Variants in PLCL1 observed in about 807,000 individuals in gnomAD.
The protein encoded by PLCL1 is phospholipase C like 1 (inactive), also known as inactive phospholipase C-like protein 1.
A neutral mutation model predicts 84.4 loss-of-function variants in PLCL1; 41 were observed. The ratio of observed to expected loss-of-function variants is 0.49; its 90% confidence interval spans 0.38 to 0.63. The LOEUF is 0.63. PLCL1 is among the 30% of genes least tolerant of loss of function. The probability of loss-of-function intolerance (pLI) is 0.00; values close to 1 mark genes in which losing one functional copy is unlikely to be tolerated. For synonymous variants in PLCL1, 490 were observed against 488.3 expected, an observed-to-expected ratio of 1.00 and a Z score of -0.05; for missense variants, 1,206 against 1,367.8, an observed-to-expected ratio of 0.88 and a Z score of 1.87.
At chr2:197,914,746 T>C (rs1433972604) in intron 1 of PLCL1, among the ~76,000 whole-genome samples, 2 of 152,306 alleles carry the variant, frequency 1.3e-5, no homozygotes, top group Non-Finnish European at 2.9e-5. Flanking sequence ...AAACAGTTAT[T>C]GAATACCTAC....
At chr2:197,966,669 G>A (rs1399501098) in intron 1 of PLCL1, among the ~76,000 whole-genome samples, 1 of 152,044 alleles carries the variant, frequency 6.6e-6, no homozygotes, top group Non-Finnish European at 1.5e-5. Context: ...TACTTCTTCA[G>A]TGCCTCTTTC....
At chr2:197,818,355 C>T (rs1690735012) in intron 1 of PLCL1, among the ~76,000 whole-genome samples, 1 of 152,040 alleles carries the variant, frequency 6.6e-6, no homozygotes, top group African/African-American at 2.4e-5. Context: ...TTTCTTTTGC[C>T]CAAACCCTTT....
At chr2:197,809,021 C>T (rs947151108) in intron 1 of PLCL1, among the ~76,000 whole-genome samples, 4 of 152,114 alleles carry the variant, frequency 2.6e-5, no homozygotes, top group African/African-American at 9.7e-5. Context: ...TATTTTATAT[C>T]ATGGCGAGTC....
At position 197,952,869 on chromosome 2, in the gene PLCL1, C is replaced by T. The variant is rs540755268; in HGVS notation, c.241-130889C>T. Among the ~76,000 whole-genome samples, 118 of 152,116 alleles carry T rather than the reference C, an allele frequency of 7.8e-4. No homozygotes were observed. The Middle Eastern group carries it at 0.027, about 35-fold the overall frequency. ...CATGTAAGGTATGCCTTTCACCTTC[C>T]GCCATGATTGTGAGGCCTCCCCAGC... On this transcript the variant is annotated intron_variant, in intron 1 of 5. Coordinates refer to ENST00000428675, the MANE Select transcript of PLCL1 (RefSeq NM_006226.4).
intron 1 of PLCL1, among the ~76,000 whole-genome samples, chr2:197,834,701 G>A (rs1490067525): frequency 6.6e-6 from 1 of 152,190 alleles, no homozygotes; most frequent in East Asian, 1.9e-4. Flanking sequence ...ACTGTTGGTG[G>A]GAGTGTAAAT....
intron 1 of PLCL1, among the ~76,000 whole-genome samples, chr2:197,857,613 A>T (rs1031815695): frequency 1.3e-5 from 2 of 152,158 alleles, no homozygotes; most frequent in Non-Finnish European, 2.9e-5. Flanking sequence ...TGTAGTAATG[A>T]TTCACTAGTT....
intron 1 of PLCL1, among the ~76,000 whole-genome samples, chr2:198,053,495 T>G (rs1691990671): frequency 6.6e-6 from 1 of 152,230 alleles, no homozygotes; most frequent in South Asian, 2.1e-4. Flanking sequence ...CAAGGAGTGG[T>G]AGTAGCTACC....
At chr2:197,876,038 A>G (rs1382752398) in intron 1 of PLCL1, among the ~76,000 whole-genome samples, 1 of 152,206 alleles carries the variant, frequency 6.6e-6, no homozygotes, top group Non-Finnish European at 1.5e-5. Context: ...CTCCCAGAGA[A>G]AAAAGATTTC....
At chr2:197,865,312 AG>A (rs1236360851) in intron 1 of PLCL1, among the ~76,000 whole-genome samples, 1 of 152,214 alleles carries the variant, frequency 6.6e-6, no homozygotes, top group East Asian at 1.9e-4. Context: ...AGCATTTCTC[AG>A]CACTGAAGAA....
At chr2:197,896,409 A>C (rs1688133083) in intron 1 of PLCL1, among the ~76,000 whole-genome samples, 1 of 151,984 alleles carries the variant, frequency 6.6e-6, no homozygotes. Context: ...TCTCAGCTTC[A>C]ACAATTCTCA....
At chr2:197,878,204 A>G (rs1687772122) in intron 1 of PLCL1, among the ~76,000 whole-genome samples, 1 of 152,220 alleles carries the variant, frequency 6.6e-6, no homozygotes, top group Non-Finnish European at 1.5e-5. Context: ...CTGCAAACAG[A>G]CAATGAGAAA....
intron 1 of PLCL1, among the ~76,000 whole-genome samples, chr2:198,078,250 T>G (rs2105891267): frequency 6.6e-6 from 1 of 152,282 alleles, no homozygotes; most frequent in African/African-American, 2.4e-5. Context: ...CTATTCTTGT[T>G]TGTCAAATGA....
chr2:198,140,851 A>G (rs775672418), intron 5 of PLCL1, among the ~76,000 whole-genome samples: 83 of 152,262 alleles, frequency 5.5e-4, no homozygotes, highest in Non-Finnish European at 9.6e-4. Flanking sequence ...TTCAGTTTCC[A>G]TAGTTTTCAG....
At chr2:198,100,172 T>A (rs1420054537) in intron 3 of PLCL1, among the ~76,000 whole-genome samples, 1 of 151,986 alleles carries the variant, frequency 6.6e-6, no homozygotes, top group East Asian at 1.9e-4. Context: ...GGGAAAAAAG[T>A]GATTATGTAA....
intron 1 of PLCL1, among the ~76,000 whole-genome samples, chr2:197,907,627 T>G (rs1688410923): frequency 6.6e-6 from 1 of 152,230 alleles, no homozygotes; most frequent in Non-Finnish European, 1.5e-5. Flanking sequence ...AGAACTGCCA[T>G]GAGAGGTTGG....
intron 1 of PLCL1, among the ~76,000 whole-genome samples, chr2:198,035,075 T>G (rs1319402159): frequency 6.6e-6 from 1 of 152,218 alleles, no homozygotes; most frequent in African/African-American, 2.4e-5. Context: ...AAAATTACTC[T>G]TTGTCCCCTG....
At chr2:197,833,399 C>T (rs1691112726) in intron 1 of PLCL1, among the ~76,000 whole-genome samples, 1 of 152,162 alleles carries the variant, frequency 6.6e-6, no homozygotes, top group South Asian at 2.1e-4. Flanking sequence ...TCTCTGTTTG[C>T]AGATGGCATG....
chr2:198,030,007 C>A (rs1691372104), intron 1 of PLCL1, among the ~76,000 whole-genome samples: 1 of 151,884 alleles, frequency 6.6e-6, no homozygotes, highest in Non-Finnish European at 1.5e-5. Flanking sequence ...GCCTTTCTTT[C>A]TTTTTTTAAA....
In PLCL1 at chr2:198,003,245, T is replaced by A. The variant is rs113570035; in HGVS notation, c.241-80513T>A. ...ACTAAGACTACTTTACAATTTTTTT[T>A]AATATCTTAAAAAACAAGGGGCACT... On this transcript the variant is annotated intron_variant, in intron 1 of 5. Coordinates refer to ENST00000428675, the MANE Select transcript of PLCL1 (RefSeq NM_006226.4). 7.3e-3 allele frequency among the ~76,000 whole-genome samples: 1,119 copies of A among 152,334 alleles called. 12 individuals carry two copies. The highest frequency in any genetic ancestry group is 0.026 in the African/African-American group (1,069 of 41,570).
Sources: gnomAD v4.1 joint callset for allele counts (sites outside exome capture counted in the v4.1 genomes callset) on GRCh38, gnomAD v4.1.1 for gene constraint, MANE v1.5 for transcripts, NCBI Gene and HGNC (gene_info 2026-07-23, HGNC 2026-07-21) for gene names.